Variants in COLEC12 observed in about 807,000 individuals in gnomAD.
COLEC12 encodes collectin-12.
Under a neutral mutation model 71.1 loss-of-function variants are expected in COLEC12, and 33 were observed. The ratio of observed to expected loss-of-function variants is 0.46; its 90% CI spans 0.35 to 0.62. The LOEUF is 0.62. COLEC12 is among the 20% of genes least tolerant of loss of function. The probability of loss-of-function intolerance (pLI) is 0.00; values close to 1 mark genes in which losing one functional copy is unlikely to be tolerated. For synonymous variants in COLEC12, 350 were observed against 353.0 expected (o/e 0.99, Z 0.10); for missense variants, 765 against 916.1 (o/e 0.84, Z 2.13).
intron 8 of COLEC12, among the ~76,000 whole-genome samples, chr18:325,626 C>CA (rs1567872998): frequency 5.0e-4 from 28 of 55,972 alleles, no homozygotes; most frequent in African/African-American, 1.6e-3. Context: ...AAAGGATCAG[C>CA]CTTTTTTTTT....
chr18:481,481 G>A (rs1415461039), intron 1 of COLEC12, among the ~76,000 whole-genome samples: 1 of 152,230 alleles, frequency 6.6e-6, no homozygotes, highest in Non-Finnish European at 1.5e-5. Context: ...AAGGTGGGCA[G>A]ATCACCTGAG....
chr18:441,236 A>G (rs1916525799), intron 2 of COLEC12, among the ~76,000 whole-genome samples: 2 of 151,884 alleles, frequency 1.3e-5, no homozygotes, highest in South Asian at 4.2e-4. Context: ...CGACAGAGCG[A>G]GACTCTGTCT....
chr18:481,563 A>G (rs1419156697), intron 1 of COLEC12, among the ~76,000 whole-genome samples: 2 of 152,090 alleles, frequency 1.3e-5, no homozygotes, highest in East Asian at 3.9e-4. Flanking sequence ...AATTAGCCAG[A>G]TGTGGTGGCA....
At position 346,524 on chromosome 18, in the gene COLEC12, T is replaced by G; in HGVS notation, c.1098A>C (p.Glu366Asp). ...HLRTLTSNLN[E>D]VRTTCTDTLT... is the part of the protein sequence containing the mutation. The stretch of plus-strand genomic sequence containing the variant: ...GGGTATCTGTGCAAGTGGTCCTGAC[T>G]TCATTTAGATTGCTGGTCAGCGTCC... Residue 366 changes from glutamate (E) to aspartate (D), a missense_variant, in exon 5 of 10, where the codon GAA becomes GAC. Glu to Asp is a conservative substitution (Grantham distance 45). Transcript: ENST00000400256. This position sits in a 1 kb window ranked among gnomAD's most constrained non-coding sequence, Gnocchi z 4.0. 1 of 1,614,184 alleles carries G rather than the reference T, an allele frequency of 6.2e-7. No individual in the cohort carries two copies. The highest frequency in any genetic ancestry group is 8.5e-7 in the Non-Finnish European group (1 of 1,180,012).
At chr18:462,115 T>C (rs894350745) in intron 2 of COLEC12, among the ~76,000 whole-genome samples, 1 of 152,172 alleles carries the variant, frequency 6.6e-6, no homozygotes, top group African/African-American at 2.4e-5. Context: ...TGGAACCACT[T>C]TGGGATACAC....
intron 2 of COLEC12, among the ~76,000 whole-genome samples, chr18:387,701 C>T (rs776647340): frequency 1.1e-4 from 17 of 152,004 alleles, no homozygotes; most frequent in Non-Finnish European, 1.9e-4. Context: ...TAAATATGTA[C>T]GCTAGGAAAA....
Position 352,107 on chromosome 18 carries a change from T to C in COLEC12, c.182-3944A>G, listed in dbSNP as rs139411386. 2.6e-3 allele frequency among the ~76,000 whole-genome samples: 395 copies of C among 152,364 alleles called. 2 individuals carry two copies. Among genetic ancestry groups the C allele is most frequent in the African/African-American group, 9.0e-3 (373 of 41,582 alleles). On this transcript the variant is annotated intron_variant, in intron 3 of 9. Coordinates refer to ENST00000400256, the MANE Select transcript of COLEC12 (RefSeq NM_130386.3). The stretch of plus-strand genomic sequence containing the variant: ...AATTATTATTTTTAAAATTACTACA[T>C]AGACAGAGAGATGCAGTTCTAATAA...
intron 1 of COLEC12, among the ~76,000 whole-genome samples, chr18:490,166 C>A (rs1442811044): frequency 6.6e-6 from 1 of 152,230 alleles, no homozygotes; most frequent in Non-Finnish European, 1.5e-5. Context: ...ACCTCCCCTG[C>A]TGAACTAGAG....
At chr18:404,582 G>A (rs546222377) in intron 2 of COLEC12, among the ~76,000 whole-genome samples, 9 of 152,346 alleles carry the variant, frequency 5.9e-5, no homozygotes, top group Middle Eastern at 3.4e-3. Flanking sequence ...AGCTGGAGCC[G>A]TGGCAGAGGA....
At chr18:348,189 G>A in intron 3 of COLEC12, 26 bp from the exon 4 acceptor site, 1 of 1,339,648 alleles carries the variant, frequency 7.5e-7, no homozygotes. Flanking sequence ...TGATGCATTA[G>A]TATACATATC....
At chr18:364,475 C>G (rs1914814643) in intron 2 of COLEC12, among the ~76,000 whole-genome samples, 1 of 152,186 alleles carries the variant, frequency 6.6e-6, no homozygotes, top group African/African-American at 2.4e-5. Context: ...CTGGCCCCTT[C>G]CTCTTGGCTC....
At chr18:457,153 C>T (rs1443933171) in intron 2 of COLEC12, among the ~76,000 whole-genome samples, 1 of 152,118 alleles carries the variant, frequency 6.6e-6, no homozygotes, top group Non-Finnish European at 1.5e-5. Context: ...CACAGTGAGG[C>T]CTGCCGATCT....
chr18:337,808 C>T (rs1397054835), intron 5 of COLEC12, among the ~76,000 whole-genome samples: 1 of 152,148 alleles, frequency 6.6e-6, no homozygotes, highest in African/African-American at 2.4e-5. Flanking sequence ...CTTTGCTGTG[C>T]GTGTTCTCCT....
chr18:383,448 G>C (rs35380109), intron 2 of COLEC12, among the ~76,000 whole-genome samples: 12,547 of 151,998 alleles, frequency 0.083, 667 homozygotes, highest in Admixed American at 0.15. Context: ...AAGTCCCAGA[G>C]GACAAAATAC....
chr18:407,844 G>A (rs1915819987), intron 2 of COLEC12, among the ~76,000 whole-genome samples: 2 of 152,226 alleles, frequency 1.3e-5, no homozygotes, highest in Admixed American at 1.3e-4. Flanking sequence ...CTGCACATCA[G>A]AATCACTCAG....
At chr18:355,526 TTC>T (rs1293908220) in intron 3 of COLEC12, among the ~76,000 whole-genome samples, 2 of 152,246 alleles carry the variant, frequency 1.3e-5, no homozygotes, top group African/African-American at 4.8e-5. Context: ...AAAAAGCCTC[TTC>T]TTTGACTCTT....
chr18:493,207 T>A (rs1247534166), intron 1 of COLEC12, among the ~76,000 whole-genome samples: 1 of 152,132 alleles, frequency 6.6e-6, no homozygotes, highest in East Asian at 1.9e-4. Context: ...CCCAAGTAGC[T>A]GGGACTATAG....
At chr18:347,636 C>T (rs1433968765) in intron 4 of COLEC12, among the ~76,000 whole-genome samples, 1 of 151,910 alleles carries the variant, frequency 6.6e-6, no homozygotes, top group Non-Finnish European at 1.5e-5. Flanking sequence ...AAGAAACTAA[C>T]CTTTTAAATT....
intron 2 of COLEC12, among the ~76,000 whole-genome samples, chr18:411,104 T>G (rs181282690): frequency 6.6e-6 from 1 of 152,314 alleles, no homozygotes; most frequent in Non-Finnish European, 1.5e-5. Context: ...CCACCAATAA[T>G]GCTTAATAAT....
Sources: allele counts gnomAD v4.1 joint callset (sites outside exome capture counted in the v4.1 genomes callset), GRCh38; gene constraint gnomAD v4.1.1; non-coding constraint Gnocchi (gnomAD v3.1); transcripts MANE v1.5; gene names NCBI Gene and HGNC (gene_info 2026-07-23, HGNC 2026-07-21).